DPP6: variants seen among roughly 807,000 people sequenced by gnomAD.
DPP6 encodes the protein A-type potassium channel modulatory protein DPP6.
A neutral mutation model predicts 122.6 loss-of-function variants in DPP6; 69 were observed. That is an observed-to-expected ratio of 0.56 (90% CI 0.46 to 0.69). The LOEUF is 0.69. DPP6 is among the 30% of genes least tolerant of loss of function. The pLI is 0.00. For missense variants in DPP6, 928 were observed against 1,116.9 expected (o/e 0.83, Z 2.41); for synonymous variants, 418 against 433.1 (o/e 0.97, Z 0.43).
At chr7:154,004,428 A>G (rs1464537170) in intron 1 of DPP6, among the ~76,000 whole-genome samples, 1 of 152,052 alleles carries the variant, frequency 6.6e-6, no homozygotes, top group African/African-American at 2.4e-5. Flanking sequence ...GGAGATATCT[A>G]TGCATTGTTT....
intron 1 of DPP6, among the ~76,000 whole-genome samples, chr7:153,900,165 T>G (rs1161783440): frequency 4.6e-5 from 7 of 152,160 alleles, no homozygotes; most frequent in Non-Finnish European, 1.0e-4. Context: ...TCGCAAACTC[T>G]TTGTGGTGAA....
rs1834905072 is a variant in DPP6, at chr7:154,624,012, G to A, written c.628-13809G>A. ...AATTCGAGACCAGCCTGGCCGACAT[G>A]GTGAAACCCCATCTCTACTAAAAAT... On this transcript the variant is annotated intron_variant, in intron 5 of 25. Transcript: ENST00000377770. The surrounding 1 kb of genome is among the most constrained non-coding windows in gnomAD (Gnocchi z 4.7). 6.6e-6 allele frequency among the ~76,000 whole-genome samples: 1 copy of A among 152,152 alleles called. No homozygotes were observed. The highest frequency in any genetic ancestry group is 2.4e-5 in the African/African-American group (1 of 41,436).
chr7:153,780,181 G>T, the DPP6 span, among the ~76,000 whole-genome samples: 1 of 152,132 alleles, frequency 6.6e-6, no homozygotes, highest in Non-Finnish European at 1.5e-5. Flanking sequence ...CAAAAAAAGA[G>T]AACAGTGTCT....
intron 10 of DPP6, among the ~76,000 whole-genome samples, chr7:154,786,824 A>G (rs1376273345): frequency 6.6e-6 from 1 of 152,152 alleles, no homozygotes; most frequent in African/African-American, 2.4e-5. Context: ...CGTTTCATCC[A>G]TATACTTTCA....
chr7:153,795,383 G>A, the DPP6 span, among the ~76,000 whole-genome samples: 1 of 152,204 alleles, frequency 6.6e-6, no homozygotes, highest in African/African-American at 2.4e-5. Flanking sequence ...CCACTGCACT[G>A]CAGCCTGGCA....
At chr7:154,390,711 G>A (rs1446001190) in intron 1 of DPP6, among the ~76,000 whole-genome samples, 1 of 152,104 alleles carries the variant, frequency 6.6e-6, no homozygotes, top group Non-Finnish European at 1.5e-5. Flanking sequence ...GCTTAGCTGG[G>A]CCATCGCCGC....
At chr7:154,622,348 T>C (rs185839712) in intron 5 of DPP6, among the ~76,000 whole-genome samples, 29 of 152,304 alleles carry the variant, frequency 1.9e-4, no homozygotes, top group African/African-American at 6.5e-4. Flanking sequence ...AGATGGGAAT[T>C]ATGCTGGAAA....
chr7:154,738,930 CA>C (rs772407808), intron 8 of DPP6, among the ~76,000 whole-genome samples: 2 of 152,156 alleles, frequency 1.3e-5, no homozygotes, highest in Non-Finnish European at 2.9e-5. Context: ...TTTAAAACAG[CA>C]AAGTGTATTT....
intron 1 of DPP6, among the ~76,000 whole-genome samples, chr7:154,007,237 G>A (rs1262526277): frequency 6.6e-6 from 1 of 152,282 alleles, no homozygotes; most frequent in Middle Eastern, 3.4e-3. Flanking sequence ...GTATCTTTGG[G>A]CTTCTTATAA....
intron 1 of DPP6, among the ~76,000 whole-genome samples, chr7:154,445,393 A>G (rs1358702139): frequency 6.6e-5 from 10 of 152,230 alleles, no homozygotes; most frequent in Admixed American, 3.3e-4. Flanking sequence ...AAAGAATCAC[A>G]GTTTCGACTA....
chr7:154,884,313 C>T (rs1253231671), intron 21 of DPP6: 4 of 59,966 alleles, frequency 6.7e-5, no homozygotes, highest in Non-Finnish European at 1.2e-4. Flanking sequence ...CACCTACTCA[C>T]ACACACATGC....
intron 1 of DPP6, among the ~76,000 whole-genome samples, chr7:154,198,387 C>T (rs1200615078): frequency 6.6e-6 from 1 of 152,044 alleles, no homozygotes; most frequent in Non-Finnish European, 1.5e-5. Flanking sequence ...TCTCTACTCA[C>T]TGCAACCTCC....
At chr7:154,297,385 G>A (rs1467364008) in intron 1 of DPP6, among the ~76,000 whole-genome samples, 4 of 152,140 alleles carry the variant, frequency 2.6e-5, no homozygotes, top group Non-Finnish European at 4.4e-5. Flanking sequence ...AATAAGAAGG[G>A]GGCCAGGTTT....
At chr7:154,856,657 A>C (rs1802856514) in intron 17 of DPP6, among the ~76,000 whole-genome samples, 1 of 152,328 alleles carries the variant, frequency 6.6e-6, no homozygotes, top group East Asian at 1.9e-4. Flanking sequence ...AGGACTGGCT[A>C]CTACATTAAC....
intron 1 of DPP6, among the ~76,000 whole-genome samples, chr7:153,976,916 C>T (rs1255036380): frequency 6.6e-6 from 1 of 152,178 alleles, no homozygotes; most frequent in Non-Finnish European, 1.5e-5. Flanking sequence ...CTCAGCCTTG[C>T]CACGCGGCTC....
chr7:154,396,837 C>G (rs1201518650), intron 1 of DPP6, among the ~76,000 whole-genome samples: 2 of 152,148 alleles, frequency 1.3e-5, no homozygotes, highest in Non-Finnish European at 2.9e-5. Context: ...GCCAGCTACT[C>G]AGGAGGCCAA....
At chr7:154,866,158 G>T (rs1349251516) in intron 17 of DPP6, among the ~76,000 whole-genome samples, 1 of 152,202 alleles carries the variant, frequency 6.6e-6, no homozygotes, top group Non-Finnish European at 1.5e-5. Flanking sequence ...ACGTGCAAAG[G>T]CCCTGGGGCA....
At chr7:153,959,851 T>G (rs1375493624) in intron 1 of DPP6, among the ~76,000 whole-genome samples, 4 of 152,276 alleles carry the variant, frequency 2.6e-5, no homozygotes, top group African/African-American at 9.6e-5. Context: ...CTTGGCTAAC[T>G]GTTTAGCACA....
At chr7:153,918,937 C>T (rs1338583156) in intron 1 of DPP6, among the ~76,000 whole-genome samples, 3 of 142,400 alleles carry the variant, frequency 2.1e-5, no homozygotes, top group Non-Finnish European at 4.5e-5. Context: ...CGAGATCATG[C>T]CACTGCACTC....
Sources: allele counts gnomAD v4.1 joint callset (sites outside exome capture counted in the v4.1 genomes callset), GRCh38; gene constraint gnomAD v4.1.1; non-coding constraint Gnocchi (gnomAD v3.1); transcripts MANE v1.5; gene names NCBI Gene and HGNC (gene_info 2026-07-23, HGNC 2026-07-21).